C12orf42: variants seen among roughly 807,000 people sequenced by gnomAD.
C12orf42 encodes chromosome 12 open reading frame 42.
A neutral mutation model predicts 21.6 loss-of-function variants in C12orf42; 25 were observed. The ratio of observed to expected loss-of-function variants is 1.16; its 90% confidence interval spans 0.84 to 1.62. The LOEUF (loss-of-function observed/expected upper bound fraction) is 1.62. Among genes scored for constraint, C12orf42 ranks in the 40% most tolerant of loss-of-function variants. The pLI is 0.00. For missense variants in C12orf42, 483 were observed against 459.3 expected, an observed-to-expected ratio of 1.05 and a Z score of -0.47; for synonymous variants, 174 against 175.0, an observed-to-expected ratio of 0.99 and a Z score of 0.05.
chr12:103,416,398 A>C (rs2049337293), intron 2 of C12orf42, among the ~76,000 whole-genome samples: 1 of 152,110 alleles, frequency 6.6e-6, no homozygotes, highest in Admixed American at 6.6e-5. Context: ...TTGGAAAAAT[A>C]TACACATTTT....
At chr12:103,170,909 G>A in the C12orf42 span, among the ~76,000 whole-genome samples, 27 of 152,232 alleles carry the variant, frequency 1.8e-4, no homozygotes, top group Middle Eastern at 3.4e-3. Context: ...CTTTCAGTCT[G>A]GAGAAGAGAA....
downstream of C12orf42, chr12:103,268,506 A>AT (rs2035283010): frequency 6.6e-6 from 1 of 151,664 alleles, no homozygotes; most frequent in Non-Finnish European, 1.5e-5. Context: ...CATTAAAAAA[A>AT]AAACCGCCAC....
the C12orf42 span, among the ~76,000 whole-genome samples, chr12:103,072,425 T>G: frequency 6.6e-6 from 1 of 151,890 alleles, no homozygotes; most frequent in South Asian, 2.1e-4. Flanking sequence ...AAAACTCTCT[T>G]GTATTTTTTG....
chr12:103,393,334 G>A (rs2047231204), intron 3 of C12orf42, among the ~76,000 whole-genome samples: 2 of 152,186 alleles, frequency 1.3e-5, no homozygotes, highest in Admixed American at 1.3e-4. Context: ...AAAAAGTAGG[G>A]GTGGGGAGGT....
At chr12:103,198,718 C>T in the C12orf42 span, among the ~76,000 whole-genome samples, 1 of 152,202 alleles carries the variant, frequency 6.6e-6, no homozygotes, top group South Asian at 2.1e-4. Flanking sequence ...GCTTAACTCA[C>T]CCCTTCCCTG....
intron 3 of C12orf42, among the ~76,000 whole-genome samples, chr12:103,400,842 T>C (rs1160876486): frequency 1.3e-5 from 2 of 152,190 alleles, no homozygotes; most frequent in East Asian, 1.9e-4. Flanking sequence ...ATGTTGTGAT[T>C]TCCTCAGTAT....
chr12:103,235,232 A>T (rs1404751740), downstream of C12orf42, among the ~76,000 whole-genome samples: 1 of 152,134 alleles, frequency 6.6e-6, no homozygotes, highest in Non-Finnish European at 1.5e-5. Flanking sequence ...CTCAGTTTAC[A>T]CCCATGGGAG....
At chr12:103,073,439 C>T in the C12orf42 span, among the ~76,000 whole-genome samples, 1 of 152,160 alleles carries the variant, frequency 6.6e-6, no homozygotes, top group East Asian at 1.9e-4. Flanking sequence ...CCAGACCATA[C>T]ATTCTGTGAA....
At chr12:103,520,139 G>C in the C12orf42 span, among the ~76,000 whole-genome samples, 9 of 152,280 alleles carry the variant, frequency 5.9e-5, no homozygotes, top group South Asian at 1.9e-3. Flanking sequence ...TCATAGAAGA[G>C]GGAAAGCCAT....
At chr12:103,439,237 C>T (rs1206398479) in intron 2 of C12orf42, among the ~76,000 whole-genome samples, 1 of 151,596 alleles carries the variant, frequency 6.6e-6, no homozygotes, top group Non-Finnish European at 1.5e-5. Context: ...CCCTTCCTTA[C>T]ACCTTATACA....
chr12:103,243,585 A>G (rs1243533916), intron 10 of C12orf42, among the ~76,000 whole-genome samples: 1 of 152,134 alleles, frequency 6.6e-6, no homozygotes, highest in Non-Finnish European at 1.5e-5. Flanking sequence ...AGGCATATTA[A>G]TATTATAATT....
At chr12:103,400,120 G>C (rs1331222926) in intron 3 of C12orf42, among the ~76,000 whole-genome samples, 1 of 152,154 alleles carries the variant, frequency 6.6e-6, no homozygotes, top group African/African-American at 2.4e-5. Context: ...GGAAGAGAGA[G>C]AGAAGAAAGA....
chr12:103,191,431 G>A, the C12orf42 span, among the ~76,000 whole-genome samples: 1 of 151,120 alleles, frequency 6.6e-6, no homozygotes, highest in Non-Finnish European at 1.5e-5. Context: ...AGACAGGCTG[G>A]GTGCAGTGGC....
At chr12:103,516,188 G>C in the C12orf42 span, among the ~76,000 whole-genome samples, 1 of 152,176 alleles carries the variant, frequency 6.6e-6, no homozygotes, top group African/African-American at 2.4e-5. Context: ...CCTGTGGCTA[G>C]CCAATCATTC....
At chr12:103,271,611 A>G (rs1235880627) in intron 5 of C12orf42, among the ~76,000 whole-genome samples, 1 of 152,132 alleles carries the variant, frequency 6.6e-6, no homozygotes, top group Non-Finnish European at 1.5e-5. Context: ...AGAGTAGGTA[A>G]AGCACTTAGC....
chr12:103,459,051 G>A (rs1189493337), intron 2 of C12orf42, among the ~76,000 whole-genome samples: 1 of 152,092 alleles, frequency 6.6e-6, no homozygotes, highest in Non-Finnish European at 1.5e-5. Context: ...AGAAGAAAGG[G>A]TGTATGGAAG....
chr12:103,521,281 C>G, the C12orf42 span, among the ~76,000 whole-genome samples: 1 of 152,156 alleles, frequency 6.6e-6, no homozygotes, highest in Non-Finnish European at 1.5e-5. Context: ...GCAGCAAAGA[C>G]ATGGAATCAA....
At chr12:103,080,549 C>A in the C12orf42 span, among the ~76,000 whole-genome samples, 1 of 152,134 alleles carries the variant, frequency 6.6e-6, no homozygotes, top group Non-Finnish European at 1.5e-5. Flanking sequence ...CAGCACCTGA[C>A]TAAATGGAAG....
At chr12:103,301,527 C>A (rs1450200809), downstream of C12orf42, among the ~76,000 whole-genome samples, 1 of 152,178 alleles carries the variant, frequency 6.6e-6, no homozygotes, top group African/African-American at 2.4e-5. Context: ...GCAAATTCAG[C>A]ACCTCTTTTA....
Sources: gnomAD v4.1 joint callset for allele counts (sites outside exome capture counted in the v4.1 genomes callset) on GRCh38, gnomAD v4.1.1 for gene constraint, MANE v1.5 for transcripts, NCBI Gene and HGNC (gene_info 2026-07-23, HGNC 2026-07-21) for gene names.